Variants in AMBRA1 observed in about 807,000 individuals in gnomAD.
AMBRA1 encodes the protein activating molecule in BECN1-regulated autophagy protein 1.
Under a neutral mutation model 125.4 loss-of-function variants are expected in AMBRA1, and 47 were observed. The observed-to-expected ratio is 0.37, with a 90% CI of 0.30 to 0.48. The LOEUF (loss-of-function observed/expected upper bound fraction) is 0.48. Ranked by LOEUF, AMBRA1 falls within the 20% of genes least tolerant of loss-of-function variation. AMBRA1 has a pLI of 0.99. For synonymous variants in AMBRA1, 626 were observed against 655.5 expected (o/e 0.95, Z 0.69); for missense variants, 1,331 against 1,693.4 (o/e 0.79, Z 3.76).
chr11:46,562,380 T>C (rs994441897), intron 1 of AMBRA1, among the ~76,000 whole-genome samples: 20 of 152,026 alleles, frequency 1.3e-4, no homozygotes, highest in African/African-American at 4.4e-4. Context: ...ATGATAAAAT[T>C]TGGATTTTAT....
At chr11:46,400,292 CTAT>C (rs1945676651) in intron 17 of AMBRA1, among the ~76,000 whole-genome samples, 1 of 151,904 alleles carries the variant, frequency 6.6e-6, no homozygotes, top group Non-Finnish European at 1.5e-5. Flanking sequence ...TTGCCAGCAG[CTAT>C]TTTTATGAGA....
At chr11:46,448,489 T>C (rs1361002587) in intron 11 of AMBRA1, among the ~76,000 whole-genome samples, 1 of 152,138 alleles carries the variant, frequency 6.6e-6, no homozygotes, top group Admixed American at 6.5e-5. Context: ...ATTTATAGCA[T>C]TGAATGCATG....
At chr11:46,436,599 C>CTACTACTTCTATTACTAGCACTGG (rs1357255009) in intron 12 of AMBRA1, among the ~76,000 whole-genome samples, 131 of 152,272 alleles carry the variant, frequency 8.6e-4, no homozygotes, top group Non-Finnish European at 1.4e-3. Context: ...GCACTGGGAC[C>CTACTACTTCTATTACTAGCACTGG]GTCTGCTACT....
intron 14 of AMBRA1, among the ~76,000 whole-genome samples, chr11:46,424,247 C>T (rs1947005954): frequency 6.6e-6 from 1 of 151,710 alleles, no homozygotes; most frequent in Non-Finnish European, 1.5e-5. Flanking sequence ...CAGCAAACAG[C>T]CTTTTTTTTT....
At chr11:46,591,101 C>T (rs538828202) in intron 1 of AMBRA1, 1 of 152,210 alleles carries the variant, frequency 6.6e-6, no homozygotes, top group African/African-American at 2.4e-5. Context: ...TAAAATATTC[C>T]TAAGATTGCT....
chr11:46,547,085 G>A (rs759459299), intron 4 of AMBRA1, 28 bp downstream of exon 4: 427 of 1,561,422 alleles, frequency 2.7e-4, no homozygotes, highest in Non-Finnish European at 3.4e-4. Context: ...AACACCAAAA[G>A]AAAAGGGTAT....
At chr11:46,519,184 T>G (rs147653649) in intron 7 of AMBRA1, among the ~76,000 whole-genome samples, 3,463 of 152,226 alleles carry the variant, frequency 0.023, 130 homozygotes, top group African/African-American at 0.079. Context: ...CCACCAAGCC[T>G]GGCTAATTTT....
At chr11:46,538,488 C>T (rs1391491947) in intron 7 of AMBRA1, among the ~76,000 whole-genome samples, 1 of 151,850 alleles carries the variant, frequency 6.6e-6, no homozygotes, top group Non-Finnish European at 1.5e-5. Context: ...ATGGTACATC[C>T]TTAATAGTTT....
At chr11:46,468,005 G>C (rs1460101791) in intron 11 of AMBRA1, among the ~76,000 whole-genome samples, 1 of 152,146 alleles carries the variant, frequency 6.6e-6, no homozygotes, top group Admixed American at 6.5e-5. Context: ...ATCAGGGCTA[G>C]AATAGTGAGA....
chr11:46,583,795 G>A (rs2044269723), intron 1 of AMBRA1, among the ~76,000 whole-genome samples: 1 of 151,044 alleles, frequency 6.6e-6, no homozygotes, highest in Admixed American at 6.6e-5. Flanking sequence ...CTGGCCATCA[G>A]AGAAATGCAA....
At chr11:46,436,483 A>C (rs572357226) in intron 12 of AMBRA1, among the ~76,000 whole-genome samples, 6 of 152,300 alleles carry the variant, frequency 3.9e-5, no homozygotes, top group African/African-American at 1.4e-4. Flanking sequence ...CTAACTAATA[A>C]AATAATGATA....
chr11:46,571,633 G>A (rs527766689), intron 1 of AMBRA1, among the ~76,000 whole-genome samples: 3 of 151,158 alleles, frequency 2.0e-5, no homozygotes, highest in African/African-American at 7.3e-5. Context: ...CATGGTTTGT[G>A]TCACTGCACT....
chr11:46,418,017 G>T lies in AMBRA1; in HGVS notation c.3012C>A (p.Asp1004Glu), dbSNP rs1470852340. 4.4e-6 allele frequency: 7 copies of T among 1,606,844 alleles called. No individual in the cohort carries two copies. In the East Asian group the frequency reaches 1.6e-4, roughly 36 times the overall value. Reference protein sequence around the residue: ...VFNVLYPMPADQRRHVSINSA... With the variant: ...VFNVLYPMPAEQRRHVSINSA... ...AGTTGATACTGACATGTCTCCGCTG[G>T]TCGGCAGGCATGGGATAAAGGACGT... The change falls in exon 15 of 18, where the codon GAC (aspartate) becomes GAA (glutamate). Residue 1004 changes from aspartate (D) to glutamate (E), a missense_variant. Physicochemically the swap from Asp to Glu is conservative, Grantham distance 45. Around this residue, in one of 4 missense-constraint regions of AMBRA1, gnomAD observed 354 missense variants for 532.7 expected, o/e 0.66. Transcript: ENST00000683756.
chr11:46,561,134 A>G (rs898350322), intron 1 of AMBRA1, among the ~76,000 whole-genome samples: 6 of 152,138 alleles, frequency 3.9e-5, no homozygotes, highest in Admixed American at 6.6e-5. Context: ...TAATCCCAGC[A>G]CTTTAAGAGG....
intron 1 of AMBRA1, among the ~76,000 whole-genome samples, chr11:46,566,110 C>T (rs1007187107): frequency 2.0e-5 from 3 of 152,222 alleles, no homozygotes; most frequent in Middle Eastern, 3.4e-3. Context: ...CCATGAAATA[C>T]TGTGTAGCAA....
chr11:46,515,276 C>G (rs1951427187), intron 7 of AMBRA1, among the ~76,000 whole-genome samples: 1 of 152,160 alleles, frequency 6.6e-6, no homozygotes, highest in African/African-American at 2.4e-5. Flanking sequence ...AGTTCAAGAC[C>G]AGCCTGGGCA....
At chr11:46,562,520 AG>A (rs2043372753) in intron 1 of AMBRA1, among the ~76,000 whole-genome samples, 1 of 152,246 alleles carries the variant, frequency 6.6e-6, no homozygotes, top group Non-Finnish European at 1.5e-5. Context: ...GAAACAGCTA[AG>A]GGAATTACAG....
At chr11:46,519,063 A>G (rs1286008596) in intron 7 of AMBRA1, among the ~76,000 whole-genome samples, 2 of 152,176 alleles carry the variant, frequency 1.3e-5, no homozygotes, top group Non-Finnish European at 2.9e-5. Context: ...AGTTTCTGTC[A>G]CCCAGGCTGG....
At chr11:46,416,086 A>AG (rs1946532339) in intron 15 of AMBRA1, among the ~76,000 whole-genome samples, 1 of 152,240 alleles carries the variant, frequency 6.6e-6, no homozygotes, top group East Asian at 1.9e-4. Context: ...AACACTGCTG[A>AG]GGAAAGAGGT....
Sources: allele counts gnomAD v4.1 joint callset (sites outside exome capture counted in the v4.1 genomes callset), GRCh38; gene constraint gnomAD v4.1.1; regional missense constraint gnomAD v4.1.1; transcripts MANE v1.5; gene names NCBI Gene and HGNC (gene_info 2026-07-23, HGNC 2026-07-21).